The following MTOR variants were observed in gnomAD, a reference collection of about 807,000 sequenced individuals.
MTOR encodes the protein mechanistic target of rapamycin kinase.
In MTOR, 70 loss-of-function variants were observed where a neutral mutation model predicts 319.8. The observed-to-expected ratio is 0.22, with a 90% CI of 0.18 to 0.27. The LOEUF (loss-of-function observed/expected upper bound fraction) is 0.27, where lower values mean the gene tolerates loss of function less well. Ranked by LOEUF, MTOR falls within the 10% of genes least tolerant of loss-of-function variation. The probability of loss-of-function intolerance (pLI) is 1.00; values close to 1 mark genes in which losing one functional copy is unlikely to be tolerated. For missense variants in MTOR, 1,890 were observed against 3,274.4 expected (o/e 0.58, Z 10.32); for synonymous variants, 1,183 against 1,211.4 (o/e 0.98, Z 0.49).
chr1:11,197,490 C>A (rs1393501247), intron 28 of MTOR, among the ~76,000 whole-genome samples: 1 of 152,174 alleles, frequency 6.6e-6, no homozygotes, highest in Non-Finnish European at 1.5e-5. Context: ...TGAGGACACC[C>A]AAAGAGCCGA....
In MTOR at chr1:11,212,852, C is replaced by T. The variant is rs2100794847; in HGVS notation, c.3342G>A (p.Leu1114=). Residue 1114 remains leucine (L), a synonymous_variant, in exon 22 of 58, where the codon CTG becomes CTA. Transcript: ENST00000361445. This position sits in a 1 kb window ranked among gnomAD's most constrained non-coding sequence, Gnocchi z 4.1. ...CAAACAACTTAACAATAGGAGGCAG[C>T]AGTAAATGCAGGTAGTCATCCAGGT... ...GANLDDYLHL[L]LPPIVKLFDA... The T allele has an allele frequency of 6.2e-7, 1 of 1,614,070 alleles. No homozygotes were observed. The highest frequency in any genetic ancestry group is 8.5e-7 in the Non-Finnish European group (1 of 1,179,980).
chr1:11,123,409 CTTT>C (rs950653302), intron 47 of MTOR, among the ~76,000 whole-genome samples: 1 of 122,026 alleles, frequency 8.2e-6, no homozygotes, highest in Non-Finnish European at 1.7e-5. Flanking sequence ...CTGTGCCCAG[CTTT>C]TTTTTTTTTT....
rs76248684 is a variant in MTOR at position 11,114,735 on chromosome 1, C to T, written c.7164+78G>A. 1,677 of 1,400,928 alleles carry T rather than the reference C, an allele frequency of 1.2e-3. 15 individuals are homozygous for T. In the African/African-American group the frequency reaches 0.021, roughly 17 times the overall value. 86.8% of individuals were successfully genotyped at this position (1,400,928 alleles called of 1,614,324 possible). ...AAAGGCACTTTGGAGAACTGATGGG[C>T]TCTAACAAGCGTGTTCTCAGAAGGC... On this transcript the variant is annotated intron_variant, in intron 52 of 57. Coordinates refer to ENST00000361445, the MANE Select transcript of MTOR (RefSeq NM_004958.4).
At chr1:11,169,561 C>T (rs1279982318) in intron 28 of MTOR, among the ~76,000 whole-genome samples, 1 of 152,174 alleles carries the variant, frequency 6.6e-6, no homozygotes, top group Non-Finnish European at 1.5e-5. Context: ...ACACATCTCA[C>T]CACATGTGAT....
At position 11,107,190 on chromosome 1, in the gene MTOR, A is replaced by T. The variant is rs890188922; in HGVS notation, c.*295T>A. 12 of 1,389,210 alleles carry T rather than the reference A, an allele frequency of 8.6e-6. No homozygotes were observed. The highest frequency in any genetic ancestry group is 1.1e-5 in the Non-Finnish European group (12 of 1,057,922). The allele number at this position is 1,389,210 out of a possible 1,614,324, so 86.1% of individuals were successfully genotyped here. A position where few individuals can be genotyped will look rare whatever the true frequency, so the allele number is the denominator to read the frequency against. On this transcript the variant is annotated 3_prime_UTR_variant, in exon 58 of 58. Coordinates refer to ENST00000361445, the MANE Select transcript of MTOR (RefSeq NM_004958.4). The stretch of plus-strand genomic sequence containing the variant: ...TCTTGTGAGTTAAGTCAAAACCCGT[A>T]TTTCTAAAGTTATGGATCTTCTGTT...
intron 24 of MTOR, 115 bp from the exon 25 acceptor site, chr1:11,209,573 A>G: frequency 1.6e-6 from 2 of 1,283,210 alleles, no homozygotes; most frequent in Non-Finnish European, 1.1e-6. Context: ...TTCAGTAAGA[A>G]GTAAAAAGTT....
chr1:11,151,628 C>T (rs935177789), intron 30 of MTOR, among the ~76,000 whole-genome samples: 3 of 152,206 alleles, frequency 2.0e-5, no homozygotes, highest in Admixed American at 6.5e-5. Context: ...TTCTATGTGA[C>T]GCCAAAACTG....
chr1:11,261,186 G>A (rs534203315), intron 1 of MTOR, among the ~76,000 whole-genome samples: 1 of 151,636 alleles, frequency 6.6e-6, no homozygotes, highest in South Asian at 2.1e-4. Context: ...CTCTTCAAAT[G>A]TAAGCTAAAA....
At chr1:11,188,997 T>G (rs1290885058) in intron 28 of MTOR, among the ~76,000 whole-genome samples, 1 of 152,228 alleles carries the variant, frequency 6.6e-6, no homozygotes, top group Non-Finnish European at 1.5e-5. Flanking sequence ...TTCGCCTACC[T>G]TACGCTCACC....
At chr1:11,150,043 G>A (rs1292970571) in intron 31 of MTOR, 83 bp downstream of exon 31, 42 of 1,239,336 alleles carry the variant, frequency 3.4e-5, no homozygotes, top group Non-Finnish European at 5.9e-6. Flanking sequence ...TCTCCACCTA[G>A]AGCCAGCACC....
At chr1:11,130,438 C>G (rs1329830055) in intron 39 of MTOR, 91 bp downstream of exon 39, 2 of 1,546,988 alleles carry the variant, frequency 1.3e-6, no homozygotes, top group African/African-American at 1.4e-5. Flanking sequence ...TCAGATACAG[C>G]CTCAGGTTCC....
intron 29 of MTOR, among the ~76,000 whole-genome samples, chr1:11,161,577 G>A (rs1254658086): frequency 6.6e-6 from 1 of 152,162 alleles, no homozygotes; most frequent in Non-Finnish European, 1.5e-5. Context: ...GTGCCCCTCT[G>A]AGACGAAGCT....
intron 6 of MTOR, among the ~76,000 whole-genome samples, chr1:11,251,655 C>CTTTTTT (rs761523542): frequency 0.042 from 4,773 of 113,438 alleles, 141 homozygotes; most frequent in South Asian, 0.11. Context: ...TAGATAGTTT[C>CTTTTTT]TTTTTTTTTT....
At chr1:11,254,162 T>TG (rs558698483) in intron 5 of MTOR, among the ~76,000 whole-genome samples, 189 bp from the exon 6 acceptor site, 2 of 151,988 alleles carry the variant, frequency 1.3e-5, no homozygotes, top group Non-Finnish European at 2.9e-5. Flanking sequence ...TTTTTTGAGA[T>TG]GGAGTCTTGC....
intron 14 of MTOR, 64 bp from the exon 15 acceptor site, chr1:11,233,551 A>G (rs1300149680): frequency 4.6e-6 from 6 of 1,292,960 alleles, no homozygotes; most frequent in Admixed American, 1.8e-5. Context: ...TTTCTTTTAT[A>G]TAAGTAAAAT....
At chr1:11,112,115 G>C (rs544441680) in intron 54 of MTOR, among the ~76,000 whole-genome samples, 1 of 152,226 alleles carries the variant, frequency 6.6e-6, no homozygotes, top group Admixed American at 6.5e-5. Flanking sequence ...GCTCTCAGAG[G>C]GACACAAGTC....
intron 32 of MTOR, among the ~76,000 whole-genome samples, 178 bp downstream of exon 32, chr1:11,146,498 C>T (rs1026679749): frequency 2.0e-5 from 3 of 152,126 alleles, no homozygotes; most frequent in East Asian, 1.9e-4. Context: ...AATAAGTAGC[C>T]CCAGCTGACC....
intron 47 of MTOR, 35 bp downstream of exon 47, chr1:11,124,463 T>A (rs2100380578): frequency 6.3e-7 from 1 of 1,589,270 alleles, no homozygotes; most frequent in Non-Finnish European, 8.6e-7. Flanking sequence ...CCAGAAGACT[T>A]CTCAAATTGT....
Position 11,107,465 on chromosome 1 carries a change from G to A in MTOR, c.*20C>T, listed in dbSNP as rs2100276011. On this transcript the variant is annotated 3_prime_UTR_variant, in exon 58 of 58. Coordinates refer to ENST00000361445, the MANE Select transcript of MTOR (RefSeq NM_004958.4). The stretch of plus-strand genomic sequence containing the variant: ...ACAAAAGCCTCAGAAAAAACGTGAT[G>A]GGCACATCTGGGCCTCCAGTTACCA... 2.5e-6 allele frequency: 4 copies of A among 1,609,540 alleles called. No individual in the cohort carries two copies. The Admixed American group carries it at 5.1e-5, about 21-fold the overall frequency.
Sources: gnomAD v4.1 joint callset for allele counts (sites outside exome capture counted in the v4.1 genomes callset) on GRCh38, gnomAD v4.1.1 for gene constraint, Gnocchi (gnomAD v3.1) non-coding constraint, MANE v1.5 for transcripts, NCBI Gene and HGNC (gene_info 2026-07-23, HGNC 2026-07-21) for gene names.